Variants in FHIT observed in about 807,000 individuals in gnomAD.
The protein encoded by FHIT is fragile histidine triad diadenosine triphosphatase.
In FHIT, 19 loss-of-function variants were observed where a neutral mutation model predicts 17.9. The ratio of observed to expected loss-of-function variants is 1.06; its 90% CI spans 0.74 to 1.56. The LOEUF (loss-of-function observed/expected upper bound fraction) is 1.56. Among genes scored for constraint, FHIT ranks in the 40% most tolerant of loss-of-function variants. The pLI, the probability that FHIT is intolerant of heterozygous loss-of-function variation, is 0.00. For missense variants in FHIT, 248 were observed against 189.2 expected (o/e 1.31, Z -1.82); for synonymous variants, 81 against 69.7 (o/e 1.16, Z -0.81).
intron 4 of FHIT, among the ~76,000 whole-genome samples, chr3:60,664,629 T>C (rs1553691999): frequency 2.0e-5 from 3 of 151,890 alleles, no homozygotes; most frequent in African/African-American, 7.2e-5. Flanking sequence ...TTGGGATATT[T>C]TTAATTATTA....
chr3:60,513,148 G>T (rs926429779), intron 5 of FHIT, among the ~76,000 whole-genome samples: 1 of 152,156 alleles, frequency 6.6e-6, no homozygotes, highest in African/African-American at 2.4e-5. Flanking sequence ...ACTACTGTTT[G>T]TTAGAGGGTT....
chr3:59,882,449 C>A (rs934066863), intron 8 of FHIT, among the ~76,000 whole-genome samples: 1 of 147,022 alleles, frequency 6.8e-6, no homozygotes, highest in African/African-American at 2.5e-5. Flanking sequence ...ACAAGCAGAG[C>A]AGACTGTAAT....
intron 4 of FHIT, among the ~76,000 whole-genome samples, chr3:60,639,619 A>G (rs77194787): frequency 0.012 from 1,898 of 152,336 alleles, 18 homozygotes; most frequent in Non-Finnish European, 0.021. Context: ...TAACTTGCTT[A>G]TACTGTATCC....
At chr3:60,590,873 C>T (rs1333363914) in intron 4 of FHIT, among the ~76,000 whole-genome samples, 2 of 152,018 alleles carry the variant, frequency 1.3e-5, no homozygotes, top group Non-Finnish European at 2.9e-5. Context: ...AAAAGGGCTC[C>T]TCATCAAGCC....
intron 8 of FHIT, among the ~76,000 whole-genome samples, chr3:59,834,946 C>T (rs552135722): frequency 6.6e-6 from 1 of 152,204 alleles, no homozygotes; most frequent in East Asian, 1.9e-4. Context: ...TTTTAACTTA[C>T]TTAATATGTT....
intron 7 of FHIT, among the ~76,000 whole-genome samples, chr3:59,962,812 G>C (rs1229987978): frequency 6.6e-6 from 1 of 152,064 alleles, no homozygotes; most frequent in Non-Finnish European, 1.5e-5. Context: ...TAATCTGTGG[G>C]AATAAGAATC....
At chr3:60,091,258 C>A (rs1703717936) in intron 5 of FHIT, among the ~76,000 whole-genome samples, 1 of 152,156 alleles carries the variant, frequency 6.6e-6, no homozygotes, top group African/African-American at 2.4e-5. Flanking sequence ...CAGGCAAGGA[C>A]ATATGAGTTT....
At chr3:60,878,113 G>T (rs75069917) in intron 3 of FHIT, among the ~76,000 whole-genome samples, 2 of 151,998 alleles carry the variant, frequency 1.3e-5, no homozygotes, top group Non-Finnish European at 2.9e-5. Flanking sequence ...GCTGAGCCAG[G>T]GCTGTATCCT....
intron 2 of FHIT, among the ~76,000 whole-genome samples, chr3:61,072,032 C>T (rs188867960): frequency 6.6e-6 from 1 of 152,294 alleles, no homozygotes; most frequent in Admixed American, 6.5e-5. Context: ...CATTTGGTCT[C>T]TTCCAAGATC....
intron 7 of FHIT, among the ~76,000 whole-genome samples, chr3:59,985,371 A>T (rs1486902629): frequency 6.6e-6 from 1 of 152,136 alleles, no homozygotes; most frequent in Non-Finnish European, 1.5e-5. Context: ...TATTTGTAAA[A>T]CCTTAGAGTA....
intron 5 of FHIT, among the ~76,000 whole-genome samples, chr3:60,168,742 T>C (rs1295749151): frequency 6.6e-6 from 1 of 152,220 alleles, no homozygotes; most frequent in Non-Finnish European, 1.5e-5. Flanking sequence ...GTATATCTCC[T>C]GTAACTTGTC....
At chr3:61,243,270 T>C (rs1281590552) in intron 1 of FHIT, among the ~76,000 whole-genome samples, 1 of 152,216 alleles carries the variant, frequency 6.6e-6, no homozygotes, top group Non-Finnish European at 1.5e-5. Context: ...TTCACTTCTT[T>C]TCTATGAAGG....
intron 3 of FHIT, among the ~76,000 whole-genome samples, chr3:60,866,285 C>T (rs1177568741): frequency 6.6e-6 from 1 of 152,174 alleles, no homozygotes; most frequent in Admixed American, 6.6e-5. Context: ...AGAGGGCTGA[C>T]CTGTGTAAGC....
intron 5 of FHIT, among the ~76,000 whole-genome samples, chr3:60,323,475 A>G (rs533943734): frequency 6.6e-6 from 1 of 152,312 alleles, no homozygotes; most frequent in African/African-American, 2.4e-5. Context: ...TGGAAAATGA[A>G]GCCCAGGGAG....
At chr3:60,991,651 G>A (rs2030228548) in intron 3 of FHIT, among the ~76,000 whole-genome samples, 1 of 152,074 alleles carries the variant, frequency 6.6e-6, no homozygotes, top group Non-Finnish European at 1.5e-5. Flanking sequence ...TGATCTTAGG[G>A]ACTCCATCAA....
intron 7 of FHIT, among the ~76,000 whole-genome samples, chr3:59,979,382 T>A (rs763367243): frequency 3.3e-5 from 5 of 152,184 alleles, no homozygotes; most frequent in Admixed American, 6.6e-5. Flanking sequence ...ATTTTGCATG[T>A]GTTTCCATCT....
intron 8 of FHIT, among the ~76,000 whole-genome samples, chr3:59,852,231 T>G (rs1389194007): frequency 6.6e-6 from 1 of 151,984 alleles, no homozygotes; most frequent in Admixed American, 6.6e-5. Context: ...GTTCTTCGGG[T>G]AGAGAGTAGA....
intron 1 of FHIT, among the ~76,000 whole-genome samples, chr3:61,232,941 G>A (rs2040141764): frequency 6.6e-6 from 1 of 152,140 alleles, no homozygotes; most frequent in Admixed American, 6.5e-5. Context: ...AGAAAGGAAG[G>A]AAAATAACGT....
intron 5 of FHIT, among the ~76,000 whole-genome samples, chr3:60,382,936 CTCTT>C (rs1700866123): frequency 6.6e-6 from 1 of 152,130 alleles, no homozygotes; most frequent in African/African-American, 2.4e-5. Context: ...TTCCACAGAC[CTCTT>C]GGTAATGTCA....
Sources: allele counts gnomAD v4.1 joint callset (sites outside exome capture counted in the v4.1 genomes callset), GRCh38; gene constraint gnomAD v4.1.1; transcripts MANE v1.5; gene names NCBI Gene and HGNC (gene_info 2026-07-23, HGNC 2026-07-21).